SMAD5: variants seen among roughly 807,000 people sequenced by gnomAD.
SMAD5 encodes the protein SMAD family member 5, also known as MAD, mothers against decapentaplegic homolog 5.
In SMAD5, 9 loss-of-function variants were observed where a neutral mutation model predicts 43.1. That is an observed-to-expected ratio of 0.21 (90% CI 0.13 to 0.36). The LOEUF (loss-of-function observed/expected upper bound fraction) is 0.36, where lower values mean the gene tolerates loss of function less well. Ranked by LOEUF, SMAD5 falls within the 10% of genes least tolerant of loss-of-function variation. The pLI, the probability that SMAD5 is intolerant of heterozygous loss-of-function variation, is 1.00. For missense variants in SMAD5, 348 were observed against 574.0 expected (o/e 0.61, Z 4.02); for synonymous variants, 190 against 192.4 (o/e 0.99, Z 0.10).
At chr5:136,162,350 A>C (rs148716150) in intron 4 of SMAD5, among the ~76,000 whole-genome samples, 9 of 152,344 alleles carry the variant, frequency 5.9e-5, no homozygotes, top group Non-Finnish European at 1.2e-4. Context: ...TCAGCATCAT[A>C]ACAAAATGAT....
chr5:136,168,107 C>T (rs971509931), intron 5 of SMAD5, among the ~76,000 whole-genome samples: 1 of 152,124 alleles, frequency 6.6e-6, no homozygotes, highest in African/African-American at 2.4e-5. Flanking sequence ...TCCCAAAGTG[C>T]TGGGATTACC....
chr5:136,140,949 T>C (rs1753060530), intron 1 of SMAD5, among the ~76,000 whole-genome samples: 1 of 152,134 alleles, frequency 6.6e-6, no homozygotes, highest in African/African-American at 2.4e-5. Flanking sequence ...TTTTAAAGAT[T>C]ATATTCTAGT....
intron 4 of SMAD5, 21 bp downstream of exon 4, chr5:136,161,128 T>TA: frequency 6.4e-7 from 1 of 1,553,860 alleles, no homozygotes. Context: ...ATTTTATTGA[T>TA]ACCAAAAAAA....
intron 1 of SMAD5, among the ~76,000 whole-genome samples, chr5:136,139,081 G>A (rs1285338254): frequency 6.6e-6 from 1 of 151,946 alleles, no homozygotes; most frequent in East Asian, 1.9e-4. Context: ...AGCACAAAGT[G>A]AAAGAGTTGT....
At chr5:136,141,297 T>G (rs1478053847) in intron 1 of SMAD5, among the ~76,000 whole-genome samples, 1 of 152,184 alleles carries the variant, frequency 6.6e-6, no homozygotes, top group African/African-American at 2.4e-5. Flanking sequence ...GGAGTTTGAT[T>G]TCATTGTTTT....
intron 6 of SMAD5, 87 bp from the exon 7 acceptor site, chr5:136,174,289 A>G: frequency 1.6e-6 from 2 of 1,266,624 alleles, no homozygotes; most frequent in East Asian, 2.3e-5. Flanking sequence ...CTGTGGATTA[A>G]TGGGTACTTT....
intron 3 of SMAD5, among the ~76,000 whole-genome samples, chr5:136,157,586 T>C (rs1209598178): frequency 6.6e-6 from 1 of 152,162 alleles, no homozygotes; most frequent in East Asian, 1.9e-4. Context: ...CAGTGACAGA[T>C]CATCAGGCAT....
At position 136,160,740 on chromosome 5, in the gene SMAD5, T is replaced by C. The variant is rs1242892078; in HGVS notation, c.404-116T>C. The stretch of plus-strand genomic sequence containing the variant: ...TCTATAAAACAGCCCTTTCTAAAAG[T>C]AAATTGTTTTAATAGGTTTACAGTC... On this transcript the variant is annotated intron_variant, in intron 3 of 7. Transcript: ENST00000545279. 3.0e-6 allele frequency: 3 copies of C among 986,742 alleles called. No homozygotes were observed. The African/African-American group carries it at 4.9e-5, about 16-fold the overall frequency. The allele number at this position is 986,742 out of a possible 1,614,324, so 61.1% of individuals were successfully genotyped here. A position where few individuals can be genotyped will look rare whatever the true frequency, so the allele number is the denominator to read the frequency against.
chr5:136,177,686 T>C lies in SMAD5; in HGVS notation c.*206T>C. Reference sequence around the variant, plus strand: ...ATGTGATTAACTCTTAGAAGTGTTGTAAAAGATGCAGAGTAAGTATTATGC... The same window carrying C: ...ATGTGATTAACTCTTAGAAGTGTTGCAAAAGATGCAGAGTAAGTATTATGC... On this transcript the variant is annotated 3_prime_UTR_variant, in exon 8 of 8. Coordinates refer to ENST00000545279, the MANE Select transcript of SMAD5 (RefSeq NM_005903.7). 1 of 465,654 alleles carries C rather than the reference T, an allele frequency of 2.1e-6. No individual in the cohort carries two copies. The highest frequency in any genetic ancestry group is 3.7e-6 in the Non-Finnish European group (1 of 266,816). The allele number at this position is 465,654 out of a possible 1,614,324, so 28.8% of individuals were successfully genotyped here. A position where few individuals can be genotyped will look rare whatever the true frequency, so the allele number is the denominator to read the frequency against.
chr5:136,163,164 G>T, intron 4 of SMAD5, 108 bp from the exon 5 acceptor site: 5 of 870,952 alleles, frequency 5.7e-6, no homozygotes, highest in Admixed American at 3.0e-5. Flanking sequence ...TTTTGTGTGT[G>T]ATGTTCAGTA....
chr5:136,165,905 C>T (rs1188340982), intron 5 of SMAD5, among the ~76,000 whole-genome samples: 2 of 151,690 alleles, frequency 1.3e-5, no homozygotes, highest in South Asian at 2.1e-4. Flanking sequence ...CATATCTCTT[C>T]GAGATCCTGC....
chr5:136,175,410 C>T (rs1479481068), intron 7 of SMAD5, among the ~76,000 whole-genome samples: 1 of 152,136 alleles, frequency 6.6e-6, no homozygotes, highest in Non-Finnish European at 1.5e-5. Flanking sequence ...TTATTTCATT[C>T]CTAGCTAAGT....
chr5:136,163,478 T>A lies in SMAD5; in HGVS notation c.775+87T>A, dbSNP rs1580788803. The stretch of plus-strand genomic sequence containing the variant: ...TTTTTTAAAAACAGCTTTATTGAGG[T>A]ATAATTTATATGCTATAAAATTTTT... On this transcript the variant is annotated intron_variant, in intron 5 of 7. Transcript: ENST00000545279. 3.7e-6 allele frequency: 4 copies of A among 1,070,358 alleles called. No individual in the cohort carries two copies. The South Asian group carries it at 9.4e-5, about 25-fold the overall frequency. The allele number at this position is 1,070,358 out of a possible 1,614,324, so 66.3% of individuals were successfully genotyped here.
chr5:136,176,969 A>T (rs1244623724), intron 7 of SMAD5, among the ~76,000 whole-genome samples: 1 of 152,012 alleles, frequency 6.6e-6, no homozygotes, highest in Non-Finnish European at 1.5e-5. Flanking sequence ...TCTAGTGGTG[A>T]TTTTCTATTT....
intron 7 of SMAD5, among the ~76,000 whole-genome samples, chr5:136,175,820 G>T (rs779170174): frequency 6.6e-6 from 1 of 152,084 alleles, no homozygotes; most frequent in Admixed American, 6.6e-5. Context: ...GTACAGTAAT[G>T]TGACTTTTGC....
At position 136,180,604 on chromosome 5, in the gene SMAD5, TCTG is replaced by T. The variant is rs1411443477; in HGVS notation, c.*3127_*3129del. The T allele has an allele frequency of 6.6e-6, 1 of 152,184 alleles. No individual in the cohort carries two copies. The highest frequency in any genetic ancestry group is 1.5e-5 in the Non-Finnish European group (1 of 67,996). 9.4% of individuals were successfully genotyped at this position (152,184 alleles called of 1,614,324 possible). A position where few individuals can be genotyped will look rare whatever the true frequency, so the allele number is the denominator to read the frequency against. On this transcript the variant is annotated 3_prime_UTR_variant, in exon 8 of 8. Transcript: ENST00000545279. ...TGTAAACTAGTAGGCGTGTTATTGA[TCTG>T]CTAAAACTAACCCTCTTTTTAAGAG...
At chr5:136,158,754 C>T (rs1753726797) in intron 3 of SMAD5, among the ~76,000 whole-genome samples, 1 of 152,076 alleles carries the variant, frequency 6.6e-6, no homozygotes, top group African/African-American at 2.4e-5. Flanking sequence ...AAAAAATTAG[C>T]CAGGCGTGGT....
At chr5:136,157,292 T>G (rs1753668342) in intron 3 of SMAD5, among the ~76,000 whole-genome samples, 1 of 151,652 alleles carries the variant, frequency 6.6e-6, no homozygotes, top group Non-Finnish European at 1.5e-5. Context: ...ATAAGAAAAA[T>G]AGAGGGCCAA....
rs1752719068 is a variant in SMAD5, at chr5:136,132,924, A to C, written c.-283A>C. 1 of 152,246 alleles carries C rather than the reference A, an allele frequency of 6.6e-6. No homozygotes were observed. Among genetic ancestry groups the C allele is most frequent in the Non-Finnish European group, 1.5e-5 (1 of 68,066 alleles). 9.4% of individuals were successfully genotyped at this position (152,246 alleles called of 1,614,324 possible). A position where few individuals can be genotyped will look rare whatever the true frequency, so the allele number is the denominator to read the frequency against. On this transcript the variant is annotated 5_prime_UTR_variant, in exon 1 of 8. Coordinates refer to ENST00000545279, the MANE Select transcript of SMAD5 (RefSeq NM_005903.7). ...ATAAAGTTGCAGCGAGGAGAAGCGC[A>C]GCGACGGCGTCGGGAGAGCGCGCCT...
Sources: allele counts gnomAD v4.1 joint callset (sites outside exome capture counted in the v4.1 genomes callset), GRCh38; gene constraint gnomAD v4.1.1; transcripts MANE v1.5; gene names NCBI Gene and HGNC (gene_info 2026-07-23, HGNC 2026-07-21).